Variants in CEP295 observed in about 807,000 individuals in gnomAD.
CEP295 encodes centrosomal protein of 295 kDa.
Under a neutral mutation model 291.6 loss-of-function variants are expected in CEP295, and 190 were observed. The observed-to-expected ratio is 0.65, with a 90% CI of 0.58 to 0.73. CEP295 has a LOEUF of 0.73. Ranked by LOEUF, CEP295 falls within the 30% of genes least tolerant of loss-of-function variation. CEP295 has a pLI of 0.00. For synonymous variants in CEP295, 993 were observed against 1,038.8 expected (o/e 0.96, Z 0.85); for missense variants, 2,863 against 2,949.4 (o/e 0.97, Z 0.68).
intron 2 of CEP295, among the ~76,000 whole-genome samples, chr11:93,667,241 AATG>A (rs1950238265): frequency 6.6e-6 from 1 of 152,204 alleles, no homozygotes; most frequent in African/African-American, 2.4e-5. Flanking sequence ...TAGAATCAGA[AATG>A]ATGTACAACA....
chr11:93,676,153 T>C (rs1950677558), intron 6 of CEP295, among the ~76,000 whole-genome samples: 1 of 152,046 alleles, frequency 6.6e-6, no homozygotes, highest in Admixed American at 6.6e-5. Flanking sequence ...CTTCTGTAAG[T>C]AATGTAAGCA....
At chr11:93,709,655 G>A (rs1952761730) in intron 18 of CEP295, among the ~76,000 whole-genome samples, 1 of 151,968 alleles carries the variant, frequency 6.6e-6, no homozygotes, top group African/African-American at 2.4e-5. Context: ...TAAATTTTAA[G>A]ATTTTTTTTC....
Position 93,699,002 on chromosome 11 carries a change from G to T in CEP295, c.4090G>T (p.Ala1364Ser). The change falls in exon 15 of 30, where the codon GCC (alanine) becomes TCC (serine). Residue 1364 changes from alanine to serine, a missense_variant. Ala to Ser is a moderately conservative substitution (Grantham distance 99). Coordinates refer to ENST00000325212, the MANE Select transcript of CEP295 (RefSeq NM_033395.2). Reference protein sequence around the residue: ...LQEQLATQREAIILARQEARE... With the variant: ...LQEQLATQRESIILARQEARE... ...AGAACAGTTAGCTACACAGAGAGAA[G>T]CCATCATTCTAGCTAGACAAGAAGC... The T allele has an allele frequency of 6.5e-7, 1 of 1,548,904 alleles. No individual in the cohort carries two copies. Among genetic ancestry groups the T allele is most frequent in the Non-Finnish European group, 8.7e-7 (1 of 1,147,014 alleles).
At chr11:93,670,322 AT>A (rs1369860108) in intron 5 of CEP295, among the ~76,000 whole-genome samples, 22 of 152,160 alleles carry the variant, frequency 1.4e-4, no homozygotes, top group African/African-American at 4.3e-4. Context: ...GAGGAAAAAA[AT>A]ATTATAAAAT....
Position 93,724,448 on chromosome 11 carries a change from A to G in CEP295, c.6318+73A>G, listed in dbSNP as rs1010431841. On this transcript the variant is annotated intron_variant, in intron 22 of 29. Transcript: ENST00000325212. ...TTAAGCCATTTCTTCTACTGGAACA[A>G]AAGTTCTTCTAAACCCTTACCTAGA... is the stretch of plus-strand genomic sequence containing the variant. 9.2e-6 allele frequency: 13 copies of G among 1,416,494 alleles called. No individual in the cohort carries two copies. In the African/African-American group the frequency reaches 1.1e-4, roughly 12 times the overall value. The allele number at this position is 1,416,494 out of a possible 1,614,324, so 87.7% of individuals were successfully genotyped here.
intron 1 of CEP295, among the ~76,000 whole-genome samples, chr11:93,664,642 A>G (rs2134754174): frequency 6.6e-6 from 1 of 152,346 alleles, no homozygotes; most frequent in East Asian, 1.9e-4. Flanking sequence ...CACTTACTGA[A>G]GTAACTACCT....
At chr11:93,678,941 C>T (rs1950830413) in intron 6 of CEP295, among the ~76,000 whole-genome samples, 1 of 152,152 alleles carries the variant, frequency 6.6e-6, no homozygotes, top group African/African-American at 2.4e-5. Context: ...ACTGGAACTT[C>T]CGCCTCCCGG....
At chr11:93,713,444 G>A (rs1032480949) in intron 18 of CEP295, among the ~76,000 whole-genome samples, 13 of 152,084 alleles carry the variant, frequency 8.5e-5, no homozygotes, top group Admixed American at 5.9e-4. Flanking sequence ...CTTTACTTTT[G>A]AAGGATATTT....
intron 10 of CEP295, 22 bp downstream of exon 10, chr11:93,687,887 A>C: frequency 1.8e-5 from 27 of 1,507,362 alleles, no homozygotes; most frequent in East Asian, 2.5e-5. Context: ...CAAGAGTCTC[A>C]TTTTCTATAA....
intron 18 of CEP295, among the ~76,000 whole-genome samples, chr11:93,714,528 C>T (rs1446528347): frequency 6.6e-6 from 1 of 152,216 alleles, no homozygotes; most frequent in African/African-American, 2.4e-5. Context: ...GGATTACAGG[C>T]GTGAGCCACC....
chr11:93,678,029 C>T (rs1184463860), intron 6 of CEP295, among the ~76,000 whole-genome samples: 2 of 152,100 alleles, frequency 1.3e-5, no homozygotes, highest in African/African-American at 4.8e-5. Flanking sequence ...AACTTTTTCT[C>T]TAACCCTTTA....
chr11:93,695,668 C>A lies in CEP295; in HGVS notation c.1671+34C>A, dbSNP rs764628015. 3.3e-5 allele frequency: 49 copies of A among 1,472,520 alleles called. 2 individuals are homozygous for A. In the Middle Eastern group the frequency reaches 6.9e-4, roughly 21 times the overall value. 91.2% of individuals were successfully genotyped at this position (1,472,520 alleles called of 1,614,324 possible). A position where few individuals can be genotyped will look rare whatever the true frequency, so the allele number is the denominator to read the frequency against. ...CAGAAAATCTCATCACTACATAAATCATTTGGTAAGGGGGGCAAGAAAATA... is the reference window on the plus strand; with the variant it reads ...CAGAAAATCTCATCACTACATAAATAATTTGGTAAGGGGGGCAAGAAAATA... On this transcript the variant is annotated intron_variant, in intron 13 of 29. Transcript: ENST00000325212.
Position 93,698,817 on chromosome 11 carries a change from C to T in CEP295, c.3905C>T (p.Ser1302Leu), listed in dbSNP as rs766963851. 5 of 1,551,706 alleles carry T rather than the reference C, an allele frequency of 3.2e-6. No homozygotes were observed. The highest frequency in any genetic ancestry group is 2.4e-5 in the South Asian group (2 of 84,058). ...IPQLVQLSFT[S>L]LASAESGTIL... ...CAGTTGGTACAGCTTTCATTTACTT[C>T]GTTAGCTTCAGCTGAGTCTGGCACA... is the stretch of plus-strand genomic sequence containing the variant. The change falls in exon 15 of 30, where the codon TCG becomes TTG. Residue 1302 changes from serine (S) to leucine (L), a missense_variant. Coordinates refer to ENST00000325212, the MANE Select transcript of CEP295 (RefSeq NM_033395.2).
chr11:93,711,883 C>G (rs1389145050), intron 18 of CEP295, among the ~76,000 whole-genome samples: 1 of 151,500 alleles, frequency 6.6e-6, no homozygotes, highest in Non-Finnish European at 1.5e-5. Flanking sequence ...TGGTCTGTCT[C>G]TGACAATGAT....
At position 93,729,493 on chromosome 11, in the gene CEP295, A is replaced by G; in HGVS notation, c.7362A>G (p.Ser2454=). ...AAGCCTCAGATTATCCAGCTGTATC[A>G]GAACTTTCCATAGAAAAACCAAGGA... ...ATEASDYPAV[S]ELSIEKPRTA... The change falls in exon 26 of 30, where the codon TCA becomes TCG. Residue 2454 remains serine (S), a synonymous_variant. Coordinates refer to ENST00000325212, the MANE Select transcript of CEP295 (RefSeq NM_033395.2). 2 of 1,551,946 alleles carry G rather than the reference A, an allele frequency of 1.3e-6. No individual in the cohort carries two copies. The highest frequency in any genetic ancestry group is 1.7e-6 in the Non-Finnish European group (2 of 1,147,014).
rs1317535828 is a variant in CEP295 at position 93,704,711 on chromosome 11, G to A, written c.5596+1792G>A. ...TCAGATTTCCTTCTCATGAAGTCTT[G>A]GTCTCATCATAGCCTTTACCATACT... On this transcript the variant is annotated intron_variant, in intron 17 of 29. Coordinates refer to ENST00000325212, the MANE Select transcript of CEP295 (RefSeq NM_033395.2). Among the ~76,000 whole-genome samples the A allele has an allele frequency of 3.9e-5, 6 of 152,120 alleles. No individual in the cohort carries two copies. In the East Asian group the frequency reaches 1.2e-3, roughly 29 times the overall value.
chr11:93,669,794 C>T (rs1345225244), intron 5 of CEP295, 24 bp downstream of exon 5: 19 of 1,415,306 alleles, frequency 1.3e-5, no homozygotes, highest in Non-Finnish European at 1.8e-5. Flanking sequence ...TTAAGAGGAA[C>T]TAGGTCATAA....
At chr11:93,682,840 A>G (rs535229691) in intron 7 of CEP295, among the ~76,000 whole-genome samples, 36 of 152,064 alleles carry the variant, frequency 2.4e-4, no homozygotes, top group Admixed American at 3.3e-4. Context: ...TCATCTCCAT[A>G]CTGTTGTGCT....
Position 93,709,618 on chromosome 11 carries a change from C to T in CEP295, c.5749+2721C>T, listed in dbSNP as rs1272668733. Among the ~76,000 whole-genome samples the T allele has an allele frequency of 3.3e-5, 5 of 152,108 alleles. No homozygotes were observed. The East Asian group carries it at 9.7e-4, about 29-fold the overall frequency. On this transcript the variant is annotated intron_variant, in intron 18 of 29. Transcript: ENST00000325212. ...TTCTTTTTGCTCAGGATAGCTTTGGCTATTCTGGGTCTTTTGTGGTTCCAT... is the reference window on the plus strand; with the variant it reads ...TTCTTTTTGCTCAGGATAGCTTTGGTTATTCTGGGTCTTTTGTGGTTCCAT...
Sources: gnomAD v4.1 joint callset for allele counts (sites outside exome capture counted in the v4.1 genomes callset) on GRCh38, gnomAD v4.1.1 for gene constraint, MANE v1.5 for transcripts, NCBI Gene and HGNC (gene_info 2026-07-23, HGNC 2026-07-21) for gene names.